The following PDE1C variants were observed in gnomAD, a reference collection of about 807,000 sequenced individuals.
The protein encoded by PDE1C is phosphodiesterase 1C, also known as dual specificity calcium/calmodulin-dependent 3',5'-cyclic nucleotide phosphodiesterase 1C.
PDE1C carries 62 observed loss-of-function variants against 93.1 expected under a neutral mutation model. The ratio of observed to expected loss-of-function variants is 0.67; its 90% confidence interval spans 0.54 to 0.82. The LOEUF (loss-of-function observed/expected upper bound fraction) is 0.82. Ranked by LOEUF, PDE1C falls within the 40% of genes least tolerant of loss-of-function variation. The probability of loss-of-function intolerance (pLI) is 0.00; values close to 1 mark genes in which losing one functional copy is unlikely to be tolerated. For synonymous variants in PDE1C, 325 were observed against 310.1 expected, an observed-to-expected ratio of 1.05 and a Z score of -0.50; for missense variants, 742 against 884.6, an observed-to-expected ratio of 0.84 and a Z score of 2.04.
intron 1 of PDE1C, among the ~76,000 whole-genome samples, chr7:32,379,429 C>T (rs899860248): frequency 1.3e-5 from 2 of 152,180 alleles, no homozygotes; most frequent in African/African-American, 4.8e-5. Flanking sequence ...AAAGCAAGAC[C>T]ATTGTCCATG....
At chr7:31,628,539 G>C in the PDE1C span, among the ~76,000 whole-genome samples, 2 of 150,968 alleles carry the variant, frequency 1.3e-5, no homozygotes, top group East Asian at 3.9e-4. Context: ...CTCACTGCAA[G>C]CTCTGCTTCC....
chr7:31,662,434 C>T, the PDE1C span, among the ~76,000 whole-genome samples: 10 of 152,132 alleles, frequency 6.6e-5, no homozygotes, highest in Non-Finnish European at 8.8e-5. Context: ...AAAAAAATCC[C>T]GGTAGGCTGT....
intron 1 of PDE1C, among the ~76,000 whole-genome samples, chr7:32,312,991 C>T (rs1244608427): frequency 6.6e-6 from 1 of 151,998 alleles, no homozygotes; most frequent in Non-Finnish European, 1.5e-5. Flanking sequence ...AGAAAATTTT[C>T]CCAACCTACT....
chr7:31,698,528 T>C, the PDE1C span, among the ~76,000 whole-genome samples: 2 of 152,212 alleles, frequency 1.3e-5, no homozygotes, highest in African/African-American at 2.4e-5. Flanking sequence ...ACTGACTACA[T>C]GCAAGCTTCT....
chr7:31,748,099 C>T (rs1180739267), downstream of PDE1C, among the ~76,000 whole-genome samples: 1 of 152,140 alleles, frequency 6.6e-6, no homozygotes, highest in Non-Finnish European at 1.5e-5. Flanking sequence ...AAACTAAATT[C>T]CTTCTGAAGT....
intron 2 of PDE1C, among the ~76,000 whole-genome samples, chr7:31,946,496 A>G (rs1806633688): frequency 6.6e-6 from 1 of 152,208 alleles, no homozygotes; most frequent in East Asian, 1.9e-4. Context: ...CCAGGCTTAT[A>G]AAATGATTGT....
At chr7:32,032,368 T>C (rs1477169097) in intron 2 of PDE1C, among the ~76,000 whole-genome samples, 1 of 152,164 alleles carries the variant, frequency 6.6e-6, no homozygotes, top group East Asian at 1.9e-4. Context: ...AGGCTTCCTA[T>C]TCTGTGAGTT....
intron 2 of PDE1C, among the ~76,000 whole-genome samples, chr7:31,963,134 T>C (rs900817981): frequency 3.3e-5 from 5 of 152,164 alleles, no homozygotes; most frequent in African/African-American, 9.7e-5. Context: ...ATAAACATCA[T>C]TAATAAAAAT....
intron 2 of PDE1C, among the ~76,000 whole-genome samples, chr7:31,958,868 C>A (rs1208454715): frequency 6.6e-6 from 1 of 152,174 alleles, no homozygotes; most frequent in Non-Finnish European, 1.5e-5. Flanking sequence ...GTATACTATA[C>A]AGATAATTGT....
At chr7:32,396,499 A>C (rs989308442) in intron 1 of PDE1C, among the ~76,000 whole-genome samples, 2 of 143,358 alleles carry the variant, frequency 1.4e-5, no homozygotes, top group Non-Finnish European at 3.0e-5. Context: ...ATAAAAAATA[A>C]AGTGGATATG....
chr7:31,947,326 T>A (rs1806752860), intron 2 of PDE1C, among the ~76,000 whole-genome samples: 1 of 152,204 alleles, frequency 6.6e-6, no homozygotes, highest in Admixed American at 6.5e-5. Context: ...TAAAAATACC[T>A]TCATGGCAAC....
At chr7:32,218,560 T>A (rs889296224) in intron 1 of PDE1C, among the ~76,000 whole-genome samples, 3 of 152,206 alleles carry the variant, frequency 2.0e-5, no homozygotes, top group Non-Finnish European at 2.9e-5. Flanking sequence ...GAAAAACACA[T>A]ATCCTGTACT....
chr7:32,413,921 A>T lies in PDE1C; in HGVS notation c.310+13901T>A, dbSNP rs78442305. 1.1e-3 allele frequency among the ~76,000 whole-genome samples: 161 copies of T among 152,260 alleles called. 2 individuals carry two copies. In the East Asian group the frequency reaches 0.03, roughly 28 times the overall value. The stretch of plus-strand genomic sequence containing the variant: ...ATCAGCCCCCAAATCCATCAATTAA[A>T]GGGTGGAGGGACTGGGTGCGTTGGT... On this transcript the variant is annotated intron_variant, in intron 1 of 1. Coordinates refer to the PDE1C transcript ENST00000672256.
At chr7:31,621,566 T>G in the PDE1C span, among the ~76,000 whole-genome samples, 1 of 148,190 alleles carries the variant, frequency 6.7e-6, no homozygotes, top group Non-Finnish European at 1.5e-5. Flanking sequence ...TGAGAGATTT[T>G]GTCACCACCA....
intron 1 of PDE1C, among the ~76,000 whole-genome samples, chr7:32,277,110 A>G (rs370820732): frequency 3.3e-5 from 5 of 152,102 alleles, no homozygotes; most frequent in Non-Finnish European, 5.9e-5. Context: ...TTAGCCAGGC[A>G]TGGTTGTGCA....
rs2128687615 is a variant in PDE1C at position 32,051,584 on chromosome 7, T to C, written c.102-4A>G. 1.2e-6 allele frequency: 2 copies of C among 1,613,218 alleles called. No homozygotes were observed. The highest frequency in any genetic ancestry group is 4.5e-5 in the East Asian group (2 of 44,858). ...GGACGTTTTCTTATATTTCCTCCTG[T>C]AAGAAAAGGCATAAACATATATCAG... is the stretch of plus-strand genomic sequence containing the variant. On this transcript the variant is annotated splice_region_variant and splice_polypyrimidine_tract_variant and intron_variant, in intron 1 of 17. Coordinates refer to ENST00000396191, the MANE Select transcript of PDE1C (RefSeq NM_001191057.4).
intron 7 of PDE1C, among the ~76,000 whole-genome samples, chr7:31,860,494 G>A (rs1004783509): frequency 6.6e-6 from 1 of 152,106 alleles, no homozygotes; most frequent in African/African-American, 2.4e-5. Flanking sequence ...AGATACTAAT[G>A]AATGGTGCAT....
chr7:32,054,017 A>AT (rs1793723274), intron 1 of PDE1C, among the ~76,000 whole-genome samples: 1 of 152,040 alleles, frequency 6.6e-6, no homozygotes, highest in African/African-American at 2.4e-5. Context: ...GTCTCAAACC[A>AT]GTCCAGCAAG....
intron 16 of PDE1C, chr7:31,786,056 C>A (rs969359633): frequency 7.2e-5 from 11 of 152,172 alleles, no homozygotes; most frequent in Non-Finnish European, 1.5e-4. Context: ...TCTTTAACAT[C>A]TAACTTTGCC....
Sources: gnomAD v4.1 joint callset for allele counts (sites outside exome capture counted in the v4.1 genomes callset) on GRCh38, gnomAD v4.1.1 for gene constraint, MANE v1.5 for transcripts, NCBI Gene and HGNC (gene_info 2026-07-23, HGNC 2026-07-21) for gene names.